Variants in TOM1 observed in about 807,000 individuals in gnomAD.
TOM1 encodes the protein target of Myb protein 1.
In TOM1, 38 loss-of-function variants were observed where a neutral mutation model predicts 61.3. The ratio of observed to expected loss-of-function variants is 0.62; its 90% CI spans 0.48 to 0.81. The LOEUF is 0.81. Among genes scored for constraint, TOM1 ranks in the 40% least tolerant of loss-of-function variants. The pLI is 0.00. For synonymous variants in TOM1, 270 were observed against 268.8 expected (o/e 1.00, Z -0.04); for missense variants, 591 against 659.6 (o/e 0.90, Z 1.14).
chr22:35,302,621 G>A (rs777657300), intron 1 of TOM1, among the ~76,000 whole-genome samples: 3 of 152,044 alleles, frequency 2.0e-5, no homozygotes, highest in Non-Finnish European at 4.4e-5. Flanking sequence ...CATGACCACC[G>A]TGTCCGGCCT....
chr22:35,309,765 CCTT>C (rs926259428), intron 1 of TOM1, among the ~76,000 whole-genome samples: 1 of 152,104 alleles, frequency 6.6e-6, no homozygotes, highest in Admixed American at 6.5e-5. Flanking sequence ...TTCTGCCTAA[CCTT>C]CTTGACCACA....
intron 1 of TOM1, among the ~76,000 whole-genome samples, chr22:35,303,742 G>T (rs1331030932): frequency 6.6e-6 from 1 of 151,980 alleles, no homozygotes; most frequent in African/African-American, 2.4e-5. Context: ...AAGTGATCCA[G>T]CCACCTTAGC....
In TOM1 at chr22:35,300,897, A is replaced by T. The variant is rs576799030; in HGVS notation, c.52+917A>T. Among the ~76,000 whole-genome samples, 4 of 104,404 alleles carry T rather than the reference A, an allele frequency of 3.8e-5. No individual in the cohort carries two copies. In the South Asian group the frequency reaches 1.3e-3, roughly 35 times the overall value. The allele number at this position is 104,404 out of a possible 152,430, so 68.5% of individuals were successfully genotyped here. A position where few individuals can be genotyped will look rare whatever the true frequency, so the allele number is the denominator to read the frequency against. ...GCCTGGTACATGGCCAGTGCCATAT[A>T]AAAAAAAACAGTTGTAATATTTATT... On this transcript the variant is annotated intron_variant, in intron 1 of 14. Coordinates refer to ENST00000449058, the MANE Select transcript of TOM1 (RefSeq NM_005488.3).
At chr22:35,318,109 T>C in intron 2 of TOM1, 148 bp downstream of exon 2, 1 of 695,324 alleles carries the variant, frequency 1.4e-6, no homozygotes, top group Non-Finnish European at 2.6e-6. Flanking sequence ...GCAGAGGCCA[T>C]CTGAGCCCCT....
chr22:35,304,821 C>G (rs1926177334), intron 1 of TOM1, among the ~76,000 whole-genome samples: 1 of 152,236 alleles, frequency 6.6e-6, no homozygotes, highest in Non-Finnish European at 1.5e-5. Flanking sequence ...ACCCATTTTC[C>G]ATTTCTGGCT....
chr22:35,343,257 CCACACACCTCCA>C (rs1569040893), intron 12 of TOM1, among the ~76,000 whole-genome samples: 29 of 7,652 alleles, frequency 3.8e-3, no homozygotes, highest in East Asian at 9.1e-3. Context: ...ACACACACCT[CCACACACCTCCA>C]CTCATACACC....
intron 7 of TOM1, among the ~76,000 whole-genome samples, chr22:35,330,059 C>T (rs912325121): frequency 2.0e-5 from 3 of 151,602 alleles, no homozygotes; most frequent in Non-Finnish European, 4.4e-5. Context: ...GCAGGCAGAT[C>T]GTGAGGTCAG....
intron 6 of TOM1, among the ~76,000 whole-genome samples, chr22:35,325,222 T>C (rs1301394320): frequency 3.3e-5 from 5 of 152,240 alleles, no homozygotes; most frequent in African/African-American, 1.2e-4. Context: ...TAGACACGGA[T>C]GTGTGATGGA....
chr22:35,329,225 G>C lies in TOM1; in HGVS notation c.766-1122G>C, dbSNP rs534829867. Reference sequence around the variant, plus strand: ...CCCGCCTCGGCCTCCCCAAGTGCTGGGATTATAGGCACGAGCCACCGGGTG... The same window carrying C: ...CCCGCCTCGGCCTCCCCAAGTGCTGCGATTATAGGCACGAGCCACCGGGTG... On this transcript the variant is annotated intron_variant, in intron 7 of 14. Transcript: ENST00000449058. Among the ~76,000 whole-genome samples the C allele has an allele frequency of 3.3e-5, 5 of 152,076 alleles. No individual in the cohort carries two copies. The South Asian group carries it at 1.0e-3, about 32-fold the overall frequency.
Position 35,323,532 on chromosome 22 carries a change from A to T in TOM1, c.403A>T (p.Thr135Ser). ...ADAFRSSPDL[T>S]GVVTIYEDLR... The stretch of plus-strand genomic sequence containing the variant: ...CGCGTTCCGCAGCTCGCCCGATCTG[A>T]CAGGTGTGGTCACCATCTATGAGGA... The change falls in exon 5 of 15, where the codon ACA (threonine) becomes TCA (serine). Residue 135 changes from threonine (T) to serine (S), a missense_variant. Thr to Ser is a moderately conservative substitution (Grantham distance 58). Transcript: ENST00000449058. This position sits in a 1 kb window ranked among gnomAD's most constrained non-coding sequence, Gnocchi z 4.2. 1 of 1,614,064 alleles carries T rather than the reference A, an allele frequency of 6.2e-7. No homozygotes were observed. The highest frequency in any genetic ancestry group is 8.5e-7 in the Non-Finnish European group (1 of 1,180,004).
chr22:35,300,908 G>A (rs1325014075), intron 1 of TOM1, among the ~76,000 whole-genome samples: 1 of 151,450 alleles, frequency 6.6e-6, no homozygotes, highest in Non-Finnish European at 1.5e-5. Flanking sequence ...AAAAAAAACA[G>A]TTGTAATATT....
rs1476249908 is a variant in TOM1 at position 35,338,055 on chromosome 22, T to A, written c.1149-658T>A. ...ACATACCCTTCCTTGCCTCTCCTCATCTGCCCAGCAACTGTGGGGTCAGCC... is the reference window on the plus strand; with the variant it reads ...ACATACCCTTCCTTGCCTCTCCTCAACTGCCCAGCAACTGTGGGGTCAGCC... On this transcript the variant is annotated intron_variant, in intron 11 of 14. Transcript: ENST00000449058. Among the ~76,000 whole-genome samples, 3 of 152,170 alleles carry A rather than the reference T, an allele frequency of 2.0e-5. No homozygotes were observed. In the East Asian group the frequency reaches 5.8e-4, roughly 29 times the overall value.
chr22:35,299,356 C>T (rs1443689794), upstream of TOM1: 1 of 152,768 alleles, frequency 6.5e-6, no homozygotes, highest in Non-Finnish European at 1.5e-5. Context: ...TGACAAACCC[C>T]TTGCCCTTGC....
chr22:35,343,766 CAT>C (rs1246832004), intron 12 of TOM1, among the ~76,000 whole-genome samples: 1 of 110,392 alleles, frequency 9.1e-6, no homozygotes, highest in Non-Finnish European at 2.0e-5. Flanking sequence ...TACACCTACA[CAT>C]ACACACCTAC....
intron 6 of TOM1, among the ~76,000 whole-genome samples, chr22:35,325,165 C>A (rs1224524664): frequency 6.6e-6 from 1 of 152,238 alleles, no homozygotes; most frequent in Non-Finnish European, 1.5e-5. Flanking sequence ...TCAGGCCCAT[C>A]ACATCCGCGG....
rs199955093 is a variant in TOM1 at position 35,338,743 on chromosome 22, C to T, written c.1179C>T (p.Asp393=). The T allele has an allele frequency of 2.5e-4, 402 of 1,599,454 alleles. 1 individual carries two copies. Among genetic ancestry groups the T allele is most frequent in the South Asian group, 1.5e-3 (134 of 88,542 alleles). Residue 393 remains aspartate (D), a synonymous_variant, in exon 12 of 15, where the codon GAC becomes GAT. Coordinates refer to ENST00000449058, the MANE Select transcript of TOM1 (RefSeq NM_005488.3). Reference sequence around the variant, plus strand: ...AATACGAAGCCCCCCAAGCAACAGACGGCCTGGCTGGAGCCCTGGACGCCC... The same window carrying T: ...AATACGAAGCCCCCCAAGCAACAGATGGCCTGGCTGGAGCCCTGGACGCCC... The part of the protein sequence containing the change: ...EVKYEAPQAT[D]GLAGALDARQ...
At position 35,323,197 on chromosome 22, in the gene TOM1, A is replaced by G; in HGVS notation, c.366+20A>G. ...ATCCAGGTGAGTGCCAGGACAGGGCAGGGCACGGCCAGGAAGAGCTGTCAG... is the reference window on the plus strand; with the variant it reads ...ATCCAGGTGAGTGCCAGGACAGGGCGGGGCACGGCCAGGAAGAGCTGTCAG... On this transcript the variant is annotated intron_variant, in intron 4 of 14. Coordinates refer to ENST00000449058, the MANE Select transcript of TOM1 (RefSeq NM_005488.3). This position sits in a 1 kb window ranked among gnomAD's most constrained non-coding sequence, Gnocchi z 4.2. 6.2e-7 allele frequency: 1 copy of G among 1,612,106 alleles called. No individual in the cohort carries two copies.
intron 3 of TOM1, chr22:35,322,691 C>T (rs1000091351): frequency 3.8e-6 from 1 of 260,996 alleles, no homozygotes. Flanking sequence ...ATTGACATCT[C>T]AGATGCTCCT....
intron 12 of TOM1, 159 bp from the exon 13 acceptor site, chr22:35,345,566 A>G (rs2145736690): frequency 2.9e-6 from 2 of 688,562 alleles, no homozygotes; most frequent in Admixed American, 4.4e-5. Context: ...TCCATCACCC[A>G]CAGCCTGGCA....
Sources: gnomAD v4.1 joint callset for allele counts (sites outside exome capture counted in the v4.1 genomes callset) on GRCh38, gnomAD v4.1.1 for gene constraint, Gnocchi (gnomAD v3.1) non-coding constraint, MANE v1.5 for transcripts, NCBI Gene and HGNC (gene_info 2026-07-23, HGNC 2026-07-21) for gene names.